GRIA4: variants seen among roughly 807,000 people sequenced by gnomAD.
GRIA4 encodes the protein glutamate receptor 4.
GRIA4 carries 34 observed loss-of-function variants against 104.0 expected under a neutral mutation model. That is an observed-to-expected ratio of 0.33 (90% CI 0.25 to 0.44). The LOEUF is 0.44. GRIA4 is among the 20% of genes least tolerant of loss of function. The pLI is 1.00. For missense variants in GRIA4, 750 were observed against 1,096.5 expected, an observed-to-expected ratio of 0.68 and a Z score of 4.46; for synonymous variants, 386 against 381.9, an observed-to-expected ratio of 1.01 and a Z score of -0.13.
At chr11:105,626,246 G>A (rs1950883157) in intron 3 of GRIA4, among the ~76,000 whole-genome samples, 1 of 151,838 alleles carries the variant, frequency 6.6e-6, no homozygotes. Context: ...AACTACATTG[G>A]ATAAAGGAGA....
intron 3 of GRIA4, among the ~76,000 whole-genome samples, chr11:105,630,648 T>G (rs2135308290): frequency 6.6e-6 from 1 of 152,254 alleles, no homozygotes; most frequent in Non-Finnish European, 1.5e-5. Flanking sequence ...TATATTAGTG[T>G]TTTAAATCAA....
chr11:105,750,962 G>C (rs1288062492), intron 3 of GRIA4, among the ~76,000 whole-genome samples: 1 of 152,028 alleles, frequency 6.6e-6, no homozygotes, highest in Non-Finnish European at 1.5e-5. Flanking sequence ...AGAAGCCAAA[G>C]CTTGAAAATC....
intron 8 of GRIA4, among the ~76,000 whole-genome samples, chr11:105,904,286 C>T (rs1209384046): frequency 6.6e-6 from 1 of 152,204 alleles, no homozygotes; most frequent in African/African-American, 2.4e-5. Context: ...AGCAGGGGCT[C>T]TTGGCTAATT....
At position 105,753,201 on chromosome 11, in the gene GRIA4, C is replaced by T; in HGVS notation, c.468C>T (p.Phe156=). ...ACTACGAATGGAACTGTTTTGTCTT[C>T]CTGTATGACACAGACAGGGGTAAGT... The part of the protein sequence containing the change: ...LDHYEWNCFV[F]LYDTDRGYSI... Residue 156 remains phenylalanine, a synonymous_variant, in exon 4 of 17, where the codon TTC becomes TTT. Coordinates refer to ENST00000282499, the MANE Select transcript of GRIA4 (RefSeq NM_000829.4). The T allele has an allele frequency of 6.2e-7, 1 of 1,613,634 alleles. No homozygotes were observed. The highest frequency in any genetic ancestry group is 8.5e-7 in the Non-Finnish European group (1 of 1,179,656).
At chr11:105,872,611 T>A (rs1419166641) in intron 5 of GRIA4, among the ~76,000 whole-genome samples, 1 of 152,122 alleles carries the variant, frequency 6.6e-6, no homozygotes, top group Non-Finnish European at 1.5e-5. Context: ...GTATGTGATA[T>A]TTGAAGATAA....
At chr11:105,788,208 A>T (rs572435695) in intron 4 of GRIA4, among the ~76,000 whole-genome samples, 1 of 152,326 alleles carries the variant, frequency 6.6e-6, no homozygotes, top group Admixed American at 6.5e-5. Context: ...AAATTAAGAT[A>T]ACTAAGACAT....
At chr11:105,693,998 TA>T (rs1198107382) in intron 3 of GRIA4, among the ~76,000 whole-genome samples, 2 of 152,186 alleles carry the variant, frequency 1.3e-5, no homozygotes, top group African/African-American at 4.8e-5. Context: ...AAATGGTAAT[TA>T]TTTTTAATTC....
At chr11:105,657,572 G>C (rs1951880764) in intron 3 of GRIA4, among the ~76,000 whole-genome samples, 1 of 151,898 alleles carries the variant, frequency 6.6e-6, no homozygotes, top group Non-Finnish European at 1.5e-5. Flanking sequence ...GATCACAAAA[G>C]CTGGAGAATA....
At chr11:105,762,010 C>A (rs1591210448) in intron 4 of GRIA4, among the ~76,000 whole-genome samples, 1 of 150,570 alleles carries the variant, frequency 6.6e-6, no homozygotes, top group Non-Finnish European at 1.5e-5. Flanking sequence ...CCCGAAGAAT[C>A]TTTTGAGAAG....
intron 3 of GRIA4, among the ~76,000 whole-genome samples, chr11:105,644,500 T>A (rs1445600): frequency 0.52 from 78,394 of 150,918 alleles, 20,572 homozygotes; most frequent in Admixed American, 0.61. Flanking sequence ...GCTATTCAGG[T>A]GGCTGAGGTG....
chr11:105,808,605 C>G (rs1943046648), intron 4 of GRIA4, among the ~76,000 whole-genome samples: 1 of 152,006 alleles, frequency 6.6e-6, no homozygotes, highest in Non-Finnish European at 1.5e-5. Flanking sequence ...GATATACAGA[C>G]AGATCAGATC....
chr11:105,754,296 A>AT (rs543931510), intron 4 of GRIA4, among the ~76,000 whole-genome samples: 10 of 152,156 alleles, frequency 6.6e-5, no homozygotes, highest in Non-Finnish European at 1.2e-4. Context: ...TTTTTAAAAA[A>AT]TTTCTGTGGT....
intron 12 of GRIA4, among the ~76,000 whole-genome samples, chr11:105,925,748 T>C (rs962648362): frequency 2.0e-5 from 3 of 152,126 alleles, no homozygotes; most frequent in Admixed American, 1.3e-4. Context: ...AAATATTAAG[T>C]TAAACCCAAT....
intron 4 of GRIA4, among the ~76,000 whole-genome samples, chr11:105,847,912 C>T (rs1372220641): frequency 6.6e-6 from 1 of 152,076 alleles, no homozygotes; most frequent in Non-Finnish European, 1.5e-5. Flanking sequence ...ATCTGGTGAG[C>T]CTGCCAGAAT....
At chr11:105,879,772 G>T (rs1429730901) in intron 5 of GRIA4, among the ~76,000 whole-genome samples, 1 of 152,080 alleles carries the variant, frequency 6.6e-6, no homozygotes, top group Non-Finnish European at 1.5e-5. Context: ...TCATAAACAG[G>T]TTTGGTATTC....
intron 3 of GRIA4, among the ~76,000 whole-genome samples, chr11:105,657,933 T>TA (rs1268270166): frequency 6.6e-6 from 1 of 151,858 alleles, no homozygotes; most frequent in Non-Finnish European, 1.5e-5. Context: ...AAAAATGTCC[T>TA]AAAATATAAA....
intron 5 of GRIA4, among the ~76,000 whole-genome samples, chr11:105,881,218 T>C (rs1393053491): frequency 6.6e-6 from 1 of 152,178 alleles, no homozygotes; most frequent in Admixed American, 6.5e-5. Flanking sequence ...GGAGTACTTA[T>C]GTACCAACTC....
intron 4 of GRIA4, among the ~76,000 whole-genome samples, chr11:105,819,794 A>T (rs1181448394): frequency 6.6e-6 from 1 of 152,148 alleles, no homozygotes; most frequent in Non-Finnish European, 1.5e-5. Context: ...TCATCTAAAA[A>T]ATGATATGTT....
intron 6 of GRIA4, among the ~76,000 whole-genome samples, 189 bp downstream of exon 6, chr11:105,887,761 G>C (rs1946318930): frequency 6.6e-6 from 1 of 152,062 alleles, no homozygotes; most frequent in African/African-American, 2.4e-5. Context: ...ATGCAGATTA[G>C]CTTGGTATCT....
Sources: allele counts gnomAD v4.1 joint callset (sites outside exome capture counted in the v4.1 genomes callset), GRCh38; gene constraint gnomAD v4.1.1; transcripts MANE v1.5; gene names NCBI Gene and HGNC (gene_info 2026-07-23, HGNC 2026-07-21).